RSF1: variants seen among roughly 807,000 people sequenced by gnomAD.
RSF1 encodes the protein remodeling and spacing factor 1, also known as HBV pX-associated protein 8.
Under a neutral mutation model 145.2 loss-of-function variants are expected in RSF1, and 13 were observed. The observed-to-expected ratio is 0.09, with a 90% CI of 0.06 to 0.14. The LOEUF (loss-of-function observed/expected upper bound fraction) is 0.14. Ranked by LOEUF, RSF1 falls within the 10% of genes least tolerant of loss-of-function variation. RSF1 has a pLI of 1.00. For synonymous variants in RSF1, 577 were observed against 592.6 expected (o/e 0.97, Z 0.38); for missense variants, 1,517 against 1,718.2 (o/e 0.88, Z 2.07).
At chr11:77,805,471 A>G (rs1948668417) in intron 1 of RSF1, among the ~76,000 whole-genome samples, 1 of 152,160 alleles carries the variant, frequency 6.6e-6, no homozygotes, top group South Asian at 2.1e-4. Flanking sequence ...AAAAGAAAAG[A>G]CAGATTATCT....
intron 1 of RSF1, among the ~76,000 whole-genome samples, chr11:77,775,379 CT>C (rs1331485364): frequency 1.3e-5 from 2 of 152,206 alleles, no homozygotes; most frequent in African/African-American, 4.8e-5. Flanking sequence ...AAAGATGACT[CT>C]GGGTTGTTCA....
the RSF1 span, among the ~76,000 whole-genome samples, chr11:77,840,097 A>AACAC: frequency 1.3e-5 from 2 of 150,334 alleles, no homozygotes; most frequent in East Asian, 2.0e-4. Context: ...GGGGACAGTA[A>AACAC]ACACACACAC....
intron 1 of RSF1, among the ~76,000 whole-genome samples, chr11:77,788,967 T>C (rs1162697579): frequency 1.3e-5 from 2 of 151,478 alleles, no homozygotes; most frequent in African/African-American, 4.9e-5. Flanking sequence ...AGGCCAAGAG[T>C]TGGAGACCAG....
intron 2 of RSF1, among the ~76,000 whole-genome samples, chr11:77,761,503 T>C (rs1948171379): frequency 1.4e-5 from 2 of 144,670 alleles, no homozygotes; most frequent in South Asian, 4.3e-4. Context: ...TTAAAGGTCT[T>C]CACATGGCTG....
intron 1 of RSF1, among the ~76,000 whole-genome samples, chr11:77,788,270 A>T (rs2135963901): frequency 6.6e-6 from 1 of 150,816 alleles, no homozygotes. Context: ...AACAACAAAA[A>T]AAATCAAACC....
intron 2 of RSF1, among the ~76,000 whole-genome samples, chr11:77,759,481 CGA>C (rs991384102): frequency 1.3e-4 from 20 of 152,290 alleles, no homozygotes; most frequent in African/African-American, 4.6e-4. Flanking sequence ...AGAGATCTCT[CGA>C]GACCATCCTG....
At chr11:77,814,858 T>A (rs1948767015) in intron 1 of RSF1, among the ~76,000 whole-genome samples, 1 of 152,212 alleles carries the variant, frequency 6.6e-6, no homozygotes, top group African/African-American at 2.4e-5. Context: ...TGTGGTTCAA[T>A]TGTTTAGTGA....
chr11:77,748,346 A>G (rs560264068), intron 2 of RSF1, among the ~76,000 whole-genome samples: 1 of 150,510 alleles, frequency 6.6e-6, no homozygotes, highest in African/African-American at 2.4e-5. Context: ...CACCTCAGCC[A>G]CCCGAGAAGC....
intron 7 of RSF1, among the ~76,000 whole-genome samples, chr11:77,694,418 A>G (rs1169605868): frequency 6.6e-6 from 1 of 152,264 alleles, no homozygotes; most frequent in Non-Finnish European, 1.5e-5. Context: ...AACCGTCATC[A>G]TGTAATACAA....
At chr11:77,777,311 G>A (rs991693410) in intron 1 of RSF1, among the ~76,000 whole-genome samples, 25 of 152,026 alleles carry the variant, frequency 1.6e-4, no homozygotes, top group Admixed American at 3.3e-4. Context: ...AGTAATCCCC[G>A]CCAGGCGAGG....
At chr11:77,750,994 G>A (rs1250246934) in intron 2 of RSF1, among the ~76,000 whole-genome samples, 3 of 152,046 alleles carry the variant, frequency 2.0e-5, no homozygotes, top group African/African-American at 7.2e-5. Context: ...GGCCAGGGAG[G>A]CATCCTGGCC....
At chr11:77,842,063 T>A in the RSF1 span, among the ~76,000 whole-genome samples, 1 of 152,228 alleles carries the variant, frequency 6.6e-6, no homozygotes, top group Non-Finnish European at 1.5e-5. Context: ...GCGATCTTCA[T>A]GAATAAGCAT....
chr11:77,759,463 C>T (rs1251393322), intron 2 of RSF1, among the ~76,000 whole-genome samples: 7 of 152,198 alleles, frequency 4.6e-5, no homozygotes, highest in African/African-American at 1.7e-4. Context: ...GGGCAGATCA[C>T]GAGGTCAAGA....
the RSF1 span, among the ~76,000 whole-genome samples, chr11:77,828,204 G>A: frequency 1.3e-5 from 2 of 152,024 alleles, no homozygotes; most frequent in South Asian, 4.1e-4. Flanking sequence ...GAACTTGGGA[G>A]GCAGAGGTTG....
At chr11:77,674,725 C>T (rs1454048799) in intron 14 of RSF1, among the ~76,000 whole-genome samples, 9 of 152,186 alleles carry the variant, frequency 5.9e-5, no homozygotes, top group Non-Finnish European at 1.2e-4. Context: ...AGCTGGCCAG[C>T]GTGCTGGCTC....
chr11:77,780,722 G>C (rs145513926), intron 1 of RSF1, among the ~76,000 whole-genome samples: 121 of 151,950 alleles, frequency 8.0e-4, no homozygotes, highest in African/African-American at 2.6e-3. Flanking sequence ...CTACTCGGGA[G>C]GCTGAAGCAG....
Position 77,664,783 on chromosome 11 carries a change from CAAAT to C in RSF1, c.*2130_*2133del, listed in dbSNP as rs1959321072. Reference sequence around the variant, plus strand: ...AAAAGGTTAATTCTTAGCTGACTTGCAAATAAATAAAACAAACCTAGCTGGAAAG... The same window carrying C: ...AAAAGGTTAATTCTTAGCTGACTTGCAAATAAAACAAACCTAGCTGGAAAG... On this transcript the variant is annotated 3_prime_UTR_variant, in exon 16 of 16. Coordinates refer to ENST00000308488, the MANE Select transcript of RSF1 (RefSeq NM_016578.4). The C allele has an allele frequency of 6.6e-6, 1 of 152,150 alleles. No individual in the cohort carries two copies. Among genetic ancestry groups the C allele is most frequent in the South Asian group, 2.1e-4 (1 of 4,830 alleles). The allele number at this position is 152,150 out of a possible 1,614,324, so 9.4% of individuals were successfully genotyped here. A position where few individuals can be genotyped will look rare whatever the true frequency, so the allele number is the denominator to read the frequency against.
At chr11:77,833,595 G>A in the RSF1 span, among the ~76,000 whole-genome samples, 18 of 152,114 alleles carry the variant, frequency 1.2e-4, no homozygotes, top group East Asian at 3.9e-4. Context: ...AACAGATCAC[G>A]GACTGGTAGC....
At chr11:77,849,903 C>G in the RSF1 span, among the ~76,000 whole-genome samples, 1 of 152,088 alleles carries the variant, frequency 6.6e-6, no homozygotes. Context: ...ATGCTTACTC[C>G]CTTCCCTTAT....
Sources: gnomAD v4.1 joint callset for allele counts (sites outside exome capture counted in the v4.1 genomes callset) on GRCh38, gnomAD v4.1.1 for gene constraint, MANE v1.5 for transcripts, NCBI Gene and HGNC (gene_info 2026-07-23, HGNC 2026-07-21) for gene names.